The following TMPRSS6 variants were observed in gnomAD, a reference collection of about 807,000 sequenced individuals.
The protein encoded by TMPRSS6 is transmembrane serine protease 6.
A neutral mutation model predicts 101.5 loss-of-function variants in TMPRSS6; 67 were observed. The ratio of observed to expected loss-of-function variants is 0.66; its 90% CI spans 0.54 to 0.81. The LOEUF (loss-of-function observed/expected upper bound fraction) is 0.81. Among genes scored for constraint, TMPRSS6 ranks in the 30% least tolerant of loss-of-function variants. TMPRSS6 has a pLI of 0.00. For missense variants in TMPRSS6, 1,034 were observed against 1,088.7 expected (o/e 0.95, Z 0.71); for synonymous variants, 453 against 464.9 (o/e 0.97, Z 0.33).
intron 2 of TMPRSS6, among the ~76,000 whole-genome samples, chr22:37,102,294 G>C (rs1226353062): frequency 6.6e-6 from 1 of 152,208 alleles, no homozygotes; most frequent in East Asian, 1.9e-4. Context: ...GTAAATGTCA[G>C]GTCTGATGCC....
At chr22:37,104,401 C>T (rs535238700) in intron 1 of TMPRSS6, among the ~76,000 whole-genome samples, 27 of 152,302 alleles carry the variant, frequency 1.8e-4, no homozygotes, top group African/African-American at 4.8e-4. Context: ...GCTTTTTCCA[C>T]GAATCTAAGA....
At chr22:37,089,272 C>A (rs971984010) in intron 7 of TMPRSS6, among the ~76,000 whole-genome samples, 2 of 152,146 alleles carry the variant, frequency 1.3e-5, no homozygotes. Context: ...GTCCAGGCTG[C>A]AGCCAGACTC....
At chr22:37,109,211 T>A (rs1930914466) in intron 1 of TMPRSS6, 1 of 152,326 alleles carries the variant, frequency 6.6e-6, no homozygotes, top group Non-Finnish European at 1.5e-5. Flanking sequence ...GGGTGGCCTC[T>A]CCCTTCCTCC....
intron 5 of TMPRSS6, 42 bp from the exon 6 acceptor site, chr22:37,095,634 AAAAAAAAAAAG>A: frequency 6.5e-7 from 1 of 1,528,816 alleles, no homozygotes; most frequent in Non-Finnish European, 8.8e-7. Flanking sequence ...AAGAACAAAA[AAAAAAAAAAAG>A]AAAAGAAAAT....
At position 37,065,746 on chromosome 22, in the gene TMPRSS6, T is replaced by C. The variant is rs996072615; in HGVS notation, c.*334A>G. On this transcript the variant is annotated 3_prime_UTR_variant, in exon 18 of 18. Coordinates refer to ENST00000676104, the MANE Select transcript of TMPRSS6 (RefSeq NM_001374504.1). ...GAGTGGGGCGCACCTCAGACACTCCTCGGGATGTAGAACCAGCATTCTTGC... is the reference window on the plus strand; with the variant it reads ...GAGTGGGGCGCACCTCAGACACTCCCCGGGATGTAGAACCAGCATTCTTGC... 1.0e-5 allele frequency: 4 copies of C among 389,980 alleles called. No homozygotes were observed. Among genetic ancestry groups the C allele is most frequent in the African/African-American group, 8.2e-5 (4 of 48,780 alleles). 24.2% of individuals were successfully genotyped at this position (389,980 alleles called of 1,614,324 possible).
chr22:37,074,388 C>T (rs1927421739), intron 12 of TMPRSS6, among the ~76,000 whole-genome samples: 1 of 152,156 alleles, frequency 6.6e-6, no homozygotes, highest in Non-Finnish European at 1.5e-5. Context: ...GACCTGGCTC[C>T]CCACTTCTCC....
chr22:37,103,674 C>T lies in TMPRSS6; in HGVS notation c.-1-256G>A, dbSNP rs1387167668. On this transcript the variant is annotated intron_variant, in intron 1 of 17. Transcript: ENST00000676104. This position sits in a 1 kb window ranked among gnomAD's most constrained non-coding sequence, Gnocchi z 4.4. Reference sequence around the variant, plus strand: ...TCAAGAACCCCACCTTTGCTTCCCACTGGCTTCCCTATGGTCAGAGGACAG... The same window carrying T: ...TCAAGAACCCCACCTTTGCTTCCCATTGGCTTCCCTATGGTCAGAGGACAG... The T allele has an allele frequency of 1.5e-6, 2 of 1,307,442 alleles. No homozygotes were observed. The highest frequency in any genetic ancestry group is 2.2e-6 in the Non-Finnish European group (2 of 917,294). The allele number at this position is 1,307,442 out of a possible 1,614,324, so 81.0% of individuals were successfully genotyped here.
chr22:37,098,345 T>C (rs1930002155), intron 3 of TMPRSS6, 71 bp downstream of exon 3: 2 of 1,610,272 alleles, frequency 1.2e-6, no homozygotes, highest in South Asian at 1.1e-5. Context: ...ACTGGCTCCA[T>C]GTGATCAGAC....
intron 10 of TMPRSS6, among the ~76,000 whole-genome samples, chr22:37,081,471 T>C (rs1569008319): frequency 6.6e-6 from 1 of 152,130 alleles, no homozygotes; most frequent in Non-Finnish European, 1.5e-5. Context: ...AAACACAACT[T>C]GTATGGGAGA....
Position 37,070,990 on chromosome 22 carries a change from C to T in TMPRSS6, c.1598G>A (p.Ser533Asn). The T allele has an allele frequency of 1.2e-6, 2 of 1,613,092 alleles. No individual in the cohort carries two copies. The highest frequency in any genetic ancestry group is 1.3e-5 in the African/African-American group (1 of 74,908). The change falls in exon 14 of 18, where the codon AGC becomes AAC. Residue 533 changes from serine to asparagine, a missense_variant. By Grantham distance (46) the Ser-to-Asn change is conservative. Transcript: ENST00000676104. ...CTGCGGGTTGGGCTTCTTCACGCAG[C>T]TCCGGTCCTCACACTGGAAGGTGAA... The part of the protein sequence containing the change: ...GTFTFQCEDR[S>N]CVKKPNPQCD...
intron 2 of TMPRSS6, among the ~76,000 whole-genome samples, chr22:37,100,780 G>C (rs1036988457): frequency 2.6e-5 from 4 of 152,186 alleles, no homozygotes; most frequent in Admixed American, 2.0e-4. Context: ...TTGAAGCTAA[G>C]GGTAGCAGAT....
At position 37,069,366 on chromosome 22, in the gene TMPRSS6, TGGGGTGG is replaced by T; in HGVS notation, c.1842-29_1842-23del. 1 of 101,348 alleles carries T rather than the reference TGGGGTGG, an allele frequency of 9.9e-6. No individual in the cohort carries two copies. The highest frequency in any genetic ancestry group is 1.8e-5 in the Non-Finnish European group (1 of 54,158). The allele number at this position is 101,348 out of a possible 1,614,324, so 6.3% of individuals were successfully genotyped here. On this transcript the variant is annotated intron_variant, in intron 15 of 17. Transcript: ENST00000676104. The surrounding 1 kb of genome is among the most constrained non-coding windows in gnomAD (Gnocchi z 4.8). ...CATGCTGGGGTGGGGTGGGGTGGGG[TGGGGTGG>T]GGTGAGGTGAGGTGGGAGGAAGCTG...
At chr22:37,076,233 C>A (rs547562872) in intron 10 of TMPRSS6, among the ~76,000 whole-genome samples, 31 of 152,056 alleles carry the variant, frequency 2.0e-4, no homozygotes, top group Non-Finnish European at 4.0e-4. Context: ...GACGAGGGGG[C>A]AGCAGTGCTC....
chr22:37,093,765 G>A (rs1174114756), intron 6 of TMPRSS6, among the ~76,000 whole-genome samples: 1 of 151,304 alleles, frequency 6.6e-6, no homozygotes, highest in Non-Finnish European at 1.5e-5. Flanking sequence ...GCTCACACCT[G>A]TAATCCCAGC....
intron 5 of TMPRSS6, 47 bp from the exon 6 acceptor site, chr22:37,095,639 AAAAAAG>A: frequency 1.3e-6 from 2 of 1,530,850 alleles, no homozygotes; most frequent in South Asian, 1.2e-5. Context: ...CAAAAAAAAA[AAAAAAG>A]AAAAGAAAAT....
chr22:37,069,357 G>C lies in TMPRSS6; in HGVS notation c.1842-13C>G, dbSNP rs752396954. 5.4e-6 allele frequency: 8 copies of C among 1,485,386 alleles called. No homozygotes were observed. Among genetic ancestry groups the C allele is most frequent in the East Asian group, 5.0e-5 (2 of 40,004 alleles). The allele number at this position is 1,485,386 out of a possible 1,614,324, so 92.0% of individuals were successfully genotyped here. A position where few individuals can be genotyped will look rare whatever the true frequency, so the allele number is the denominator to read the frequency against. ...CGTGGAGGCCATGCTGGGGTGGGGT[G>C]GGGTGGGGTGGGGTGGGGTGAGGTG... On this transcript the variant is annotated splice_polypyrimidine_tract_variant and intron_variant, in intron 15 of 17. Transcript: ENST00000676104. The surrounding 1 kb of genome is among the most constrained non-coding windows in gnomAD (Gnocchi z 4.8).
At chr22:37,096,618 A>G (rs1323549206) in intron 4 of TMPRSS6, 30 bp downstream of exon 4, 3 of 1,553,154 alleles carry the variant, frequency 1.9e-6, no homozygotes, top group Admixed American at 3.9e-5. Flanking sequence ...AGCTTCTTGC[A>G]GGAGCTGGTC....
intron 1 of TMPRSS6, among the ~76,000 whole-genome samples, chr22:37,109,084 C>A (rs1260284343): frequency 6.6e-6 from 1 of 152,164 alleles, no homozygotes; most frequent in Admixed American, 6.5e-5. Context: ...GGGTCCTGGG[C>A]TTAAGTCAGT....
At chr22:37,070,374 G>A in intron 15 of TMPRSS6, 110 bp downstream of exon 15, 1 of 1,421,116 alleles carries the variant, frequency 7.0e-7, no homozygotes, top group Non-Finnish European at 9.9e-7. Flanking sequence ...TGTCTGGGGG[G>A]TCCACCACCC....
Sources: gnomAD v4.1 joint callset for allele counts (sites outside exome capture counted in the v4.1 genomes callset) on GRCh38, gnomAD v4.1.1 for gene constraint, Gnocchi (gnomAD v3.1) non-coding constraint, MANE v1.5 for transcripts, NCBI Gene and HGNC (gene_info 2026-07-23, HGNC 2026-07-21) for gene names.